The following COL24A1 variants were observed in gnomAD, a reference collection of about 807,000 sequenced individuals.
COL24A1 encodes collagen type XXIV alpha 1 chain.
Under a neutral mutation model 253.9 loss-of-function variants are expected in COL24A1, and 224 were observed. That is an observed-to-expected ratio of 0.88 (90% CI 0.79 to 0.99). COL24A1 has a LOEUF of 0.99. COL24A1 is among the 50% of genes least tolerant of loss of function. The probability of loss-of-function intolerance (pLI) is 0.00; values close to 1 mark genes in which losing one functional copy is unlikely to be tolerated. For missense variants in COL24A1, 2,131 were observed against 2,068.5 expected, an observed-to-expected ratio of 1.03 and a Z score of -0.59; for synonymous variants, 685 against 673.7, an observed-to-expected ratio of 1.02 and a Z score of -0.26.
rs747120314 is a variant in COL24A1, at chr1:86,125,015, C to T, written c.1321G>A (p.Val441Met). ...SLHRVTNEPS[V>M]DNHLDLRKEG... Reference sequence around the variant, plus strand: ...TTCCTTAGATCAAGGTGATTATCCACAGATGGCTCATTTGTCACTCTATGC... The same window carrying T: ...TTCCTTAGATCAAGGTGATTATCCATAGATGGCTCATTTGTCACTCTATGC... Residue 441 changes from valine to methionine, a missense_variant, in exon 3 of 60, where the codon GTG becomes ATG. Coordinates refer to ENST00000370571, the MANE Select transcript of COL24A1 (RefSeq NM_152890.7). 9 of 1,613,000 alleles carry T rather than the reference C, an allele frequency of 5.6e-6. No individual in the cohort carries two copies. The highest frequency in any genetic ancestry group is 7.6e-6 in the Non-Finnish European group (9 of 1,179,616).
chr1:86,013,255 A>G (rs777555086), intron 19 of COL24A1, among the ~76,000 whole-genome samples: 19 of 152,324 alleles, frequency 1.2e-4, no homozygotes. Context: ...GTATATATGT[A>G]GGTCTCATCA....
At chr1:86,115,000 C>T (rs1332383173) in intron 4 of COL24A1, among the ~76,000 whole-genome samples, 5 of 152,108 alleles carry the variant, frequency 3.3e-5, no homozygotes, top group Non-Finnish European at 5.9e-5. Flanking sequence ...CTTCATTTCC[C>T]CAAACAAATG....
chr1:85,832,886 A>G (rs1165628036), intron 43 of COL24A1, among the ~76,000 whole-genome samples: 1 of 151,040 alleles, frequency 6.6e-6, no homozygotes, highest in Admixed American at 6.6e-5. Context: ...GGACAATTTG[A>G]CTTCCTCTTT....
At chr1:86,045,427 A>G (rs1167639349) in intron 12 of COL24A1, among the ~76,000 whole-genome samples, 1 of 152,192 alleles carries the variant, frequency 6.6e-6, no homozygotes, top group East Asian at 1.9e-4. Flanking sequence ...ATTTGAAGAT[A>G]CAGAATGGAG....
intron 20 of COL24A1, among the ~76,000 whole-genome samples, chr1:85,975,939 A>G (rs768436952): frequency 6.6e-6 from 1 of 152,200 alleles, no homozygotes; most frequent in Non-Finnish European, 1.5e-5. Context: ...AAGCAGCAGC[A>G]GGAAGAGCAT....
At chr1:85,897,249 CA>C (rs1311543388) in intron 28 of COL24A1, among the ~76,000 whole-genome samples, 6 of 152,146 alleles carry the variant, frequency 3.9e-5, no homozygotes, top group Middle Eastern at 3.4e-3. Context: ...TGGGGCCTGT[CA>C]GGGGGCCTCG....
In COL24A1 at chr1:85,910,022, A is replaced by G; in HGVS notation, c.2617-19T>C. The G allele has an allele frequency of 6.2e-7, 1 of 1,602,210 alleles. No individual in the cohort carries two copies. Among genetic ancestry groups the G allele is most frequent in the African/African-American group, 1.3e-5 (1 of 74,714 alleles). The stretch of plus-strand genomic sequence containing the variant: ...GTTCTCCCTTTTAAGAGAACAAAGA[A>G]AAAAGAGTAACATAGAGGCATATTA... On this transcript the variant is annotated intron_variant, in intron 25 of 59. Transcript: ENST00000370571.
intron 37 of COL24A1, among the ~76,000 whole-genome samples, chr1:85,855,657 T>C (rs1161446722): frequency 1.3e-5 from 2 of 152,238 alleles, no homozygotes; most frequent in Non-Finnish European, 2.9e-5. Context: ...AACAGGGATA[T>C]TGACCTGAAG....
rs1043415703 is a variant in COL24A1 at position 85,896,466 on chromosome 1, A to G, written c.2779-57T>C. 4.2e-6 allele frequency: 6 copies of G among 1,414,042 alleles called. No homozygotes were observed. The African/African-American group carries it at 7.1e-5, about 17-fold the overall frequency. 87.6% of individuals were successfully genotyped at this position (1,414,042 alleles called of 1,614,324 possible). On this transcript the variant is annotated intron_variant, in intron 28 of 59. Transcript: ENST00000370571. ...TTGAAATGTTCCTTTTTTTTTCTTA[A>G]CAGTTATGTGTCCTCACAGATGAAC...
chr1:86,086,840 T>G (rs1339762336), intron 7 of COL24A1, among the ~76,000 whole-genome samples: 3 of 152,208 alleles, frequency 2.0e-5, no homozygotes, highest in Non-Finnish European at 4.4e-5. Context: ...TAGGCTTAAA[T>G]GGAGCCATTA....
chr1:85,793,604 T>G (rs911541724), intron 47 of COL24A1, among the ~76,000 whole-genome samples: 1 of 152,166 alleles, frequency 6.6e-6, no homozygotes, highest in African/African-American at 2.4e-5. Context: ...TTATCCTGTT[T>G]CTTTCCCCTG....
At position 85,786,470 on chromosome 1, in the gene COL24A1, C is replaced by T; in HGVS notation, c.3952-9G>A. 1 of 1,605,830 alleles carries T rather than the reference C, an allele frequency of 6.2e-7. No homozygotes were observed. Among genetic ancestry groups the T allele is most frequent in the Non-Finnish European group, 8.5e-7 (1 of 1,176,622 alleles). ...GGGCCGCCTCTGATGCCCTAAATAACACAGATAAGAAATGAAAACTGGGAA... is the reference window on the plus strand; with the variant it reads ...GGGCCGCCTCTGATGCCCTAAATAATACAGATAAGAAATGAAAACTGGGAA... On this transcript the variant is annotated splice_polypyrimidine_tract_variant and intron_variant, in intron 47 of 59. Transcript: ENST00000370571.
At chr1:86,106,004 C>G (rs1000887399) in intron 5 of COL24A1, among the ~76,000 whole-genome samples, 3 of 152,148 alleles carry the variant, frequency 2.0e-5, no homozygotes, top group Admixed American at 2.0e-4. Flanking sequence ...GCCAGTCATC[C>G]CGATCTTCAG....
intron 55 of COL24A1, among the ~76,000 whole-genome samples, chr1:85,757,175 C>T (rs1460795875): frequency 2.6e-5 from 4 of 152,114 alleles, no homozygotes; most frequent in East Asian, 1.9e-4. Flanking sequence ...TACCACTGAA[C>T]TCTACACTTA....
intron 39 of COL24A1, among the ~76,000 whole-genome samples, chr1:85,843,546 C>T (rs770318691): frequency 1.3e-5 from 2 of 152,062 alleles, no homozygotes; most frequent in African/African-American, 2.4e-5. Flanking sequence ...AATAAGTAAA[C>T]ATCATCAGTG....
intron 7 of COL24A1, among the ~76,000 whole-genome samples, chr1:86,066,857 G>T (rs562314350): frequency 6.6e-6 from 1 of 152,216 alleles, no homozygotes; most frequent in Non-Finnish European, 1.5e-5. Context: ...CTTCAGGAAG[G>T]CCGGGCGCAA....
At chr1:86,091,275 T>C (rs1358973372) in intron 6 of COL24A1, among the ~76,000 whole-genome samples, 1 of 151,984 alleles carries the variant, frequency 6.6e-6, no homozygotes, top group East Asian at 1.9e-4. Context: ...TGTATACCAG[T>C]AAAAAATTTA....
intron 24 of COL24A1, among the ~76,000 whole-genome samples, chr1:85,957,834 G>A (rs570323143): frequency 6.6e-6 from 1 of 152,112 alleles, no homozygotes; most frequent in African/African-American, 2.4e-5. Context: ...TACCTTTAGC[G>A]ATTGTTCATT....
At chr1:86,050,009 A>G (rs1700184086) in intron 11 of COL24A1, 115 bp downstream of exon 11, 5 of 809,502 alleles carry the variant, frequency 6.2e-6, no homozygotes, top group South Asian at 2.9e-5. Flanking sequence ...TTTTTCTTCA[A>G]CCTGGCTTGC....
Sources: gnomAD v4.1 joint callset for allele counts (sites outside exome capture counted in the v4.1 genomes callset) on GRCh38, gnomAD v4.1.1 for gene constraint, MANE v1.5 for transcripts, NCBI Gene and HGNC (gene_info 2026-07-23, HGNC 2026-07-21) for gene names.